ADGB: variants seen among roughly 807,000 people sequenced by gnomAD.
ADGB encodes the protein androglobin, also known as calpain-7-like protein.
Under a neutral mutation model 210.5 loss-of-function variants are expected in ADGB, and 172 were observed. The observed-to-expected ratio is 0.82, with a 90% CI of 0.72 to 0.93. The LOEUF (loss-of-function observed/expected upper bound fraction) is 0.93, where lower values mean the gene tolerates loss of function less well. Among genes scored for constraint, ADGB ranks in the 40% least tolerant of loss-of-function variants. The pLI, the probability that ADGB is intolerant of heterozygous loss-of-function variation, is 0.00. For missense variants in ADGB, 2,025 were observed against 1,964.8 expected, an observed-to-expected ratio of 1.03 and a Z score of -0.58; for synonymous variants, 658 against 662.7, an observed-to-expected ratio of 0.99 and a Z score of 0.11.
At chr6:146,787,835 C>T (rs1462472134) in intron 32 of ADGB, among the ~76,000 whole-genome samples, 1 of 152,138 alleles carries the variant, frequency 6.6e-6, no homozygotes, top group Admixed American at 6.6e-5. Flanking sequence ...AAAATAATGT[C>T]TCTATATAAT....
intron 3 of ADGB, among the ~76,000 whole-genome samples, chr6:146,651,131 TC>T (rs1190649743): frequency 6.6e-6 from 1 of 152,186 alleles, no homozygotes; most frequent in African/African-American, 2.4e-5. Flanking sequence ...GAAGGGAAAT[TC>T]CCTGAGACAA....
rs1263123529 is a variant in ADGB, at chr6:146,666,864, T to C, written c.801T>C (p.His267=). ...AGCTGGGGGAGTTCACGGTTATTCA[T>C]GCGCTCACAGGATGGTTACCAGAAG... ...RRELGEFTVI[H]ALTGWLPEVI... The change falls in exon 7 of 36, where the codon CAT becomes CAC. Residue 267 remains histidine (H), a synonymous_variant. Coordinates refer to ENST00000397944, the MANE Select transcript of ADGB (RefSeq NM_024694.4). 9.0e-6 allele frequency: 14 copies of C among 1,547,746 alleles called. No homozygotes were observed. The highest frequency in any genetic ancestry group is 9.6e-6 in the Non-Finnish European group (11 of 1,143,988).
chr6:146,779,091 C>G (rs1359045079), intron 29 of ADGB, among the ~76,000 whole-genome samples: 1 of 150,980 alleles, frequency 6.6e-6, no homozygotes, highest in Non-Finnish European at 1.5e-5. Context: ...GCCAATATTC[C>G]TGGCACATAC....
In ADGB at chr6:146,715,427, AT is replaced by A; in HGVS notation, c.1741+16del. The A allele has an allele frequency of 1.3e-6, 2 of 1,490,874 alleles. No individual in the cohort carries two copies. The highest frequency in any genetic ancestry group is 5.4e-5 in the Admixed American group (2 of 37,126). The allele number at this position is 1,490,874 out of a possible 1,614,324, so 92.4% of individuals were successfully genotyped here. ...TATACTTGGAAAAGGTAAATTAATA[AT>A]TTTCCTGTGACTTTTTTCAATGTAC... On this transcript the variant is annotated intron_variant, in intron 14 of 35. Coordinates refer to ENST00000397944, the MANE Select transcript of ADGB (RefSeq NM_024694.4).
chr6:146,666,807 C>A lies in ADGB; in HGVS notation c.753-9C>A. 1 of 1,538,766 alleles carries A rather than the reference C, an allele frequency of 6.5e-7. No homozygotes were observed. The highest frequency in any genetic ancestry group is 8.8e-7 in the Non-Finnish European group (1 of 1,138,370). On this transcript the variant is annotated splice_polypyrimidine_tract_variant and intron_variant, in intron 6 of 35. Coordinates refer to ENST00000397944, the MANE Select transcript of ADGB (RefSeq NM_024694.4). The stretch of plus-strand genomic sequence containing the variant: ...TGCTACCTGTAACATTATGCATGTT[C>A]TTTTTTAGCATCCATGTAGCAGACA...
At chr6:146,747,803 G>C (rs1048904198) in intron 26 of ADGB, among the ~76,000 whole-genome samples, 8 of 140,722 alleles carry the variant, frequency 5.7e-5, no homozygotes, top group African/African-American at 2.2e-4. Flanking sequence ...TTTTGAGACA[G>C]AGTCTCACTC....
chr6:146,663,652 A>G (rs1775898595), intron 5 of ADGB, among the ~76,000 whole-genome samples: 1 of 152,070 alleles, frequency 6.6e-6, no homozygotes, highest in African/African-American at 2.4e-5. Flanking sequence ...ATATAGATAT[A>G]CATGTTCAGT....
Position 146,788,611 on chromosome 6 carries a change from G to T in ADGB, c.4537+1G>T. 6.5e-7 allele frequency: 1 copy of T among 1,550,218 alleles called. No homozygotes were observed. On this transcript the variant is annotated splice_donor_variant, in intron 33 of 35. Transcript: ENST00000397944. LOFTEE classifies it high-confidence loss of function. ...CAGAGCACACGGAAGGAAAACATTC[G>T]TAAGTATTGCTGTCATTGGTAACAT...
At chr6:146,691,447 T>TATAA (rs1388374335) in intron 11 of ADGB, among the ~76,000 whole-genome samples, 157 bp downstream of exon 11, 1 of 21,100 alleles carries the variant, frequency 4.7e-5, no homozygotes, top group African/African-American at 3.0e-4. Flanking sequence ...TATATAAAAA[T>TATAA]ATATATATAT....
chr6:146,752,255 G>T (rs1777334361), intron 26 of ADGB, among the ~76,000 whole-genome samples: 1 of 152,010 alleles, frequency 6.6e-6, no homozygotes, highest in Non-Finnish European at 1.5e-5. Context: ...GAGTAAGAGA[G>T]AGAGAAAGGG....
At chr6:146,814,983 A>G (rs1778361823) in intron 35 of ADGB, 49 bp from the exon 36 acceptor site, 1 of 1,485,404 alleles carries the variant, frequency 6.7e-7, no homozygotes, top group East Asian at 2.5e-5. Context: ...CTGGGAACAT[A>G]AGCCTTTACC....
intron 23 of ADGB, among the ~76,000 whole-genome samples, chr6:146,737,080 C>T (rs963960751): frequency 1.3e-5 from 2 of 151,574 alleles, no homozygotes; most frequent in African/African-American, 4.9e-5. Flanking sequence ...AATATATATA[C>T]ACACCATACA....
At chr6:146,601,970 T>C (rs1455185073) in intron 1 of ADGB, among the ~76,000 whole-genome samples, 1 of 152,216 alleles carries the variant, frequency 6.6e-6, no homozygotes, top group Non-Finnish European at 1.5e-5. Flanking sequence ...ATTGGCAAAG[T>C]TCAAAAACTG....
Position 146,733,128 on chromosome 6 carries a change from T to C in ADGB, c.2529T>C (p.His843=). Residue 843 remains histidine, a synonymous_variant, in exon 21 of 36, where the codon CAT becomes CAC. Transcript: ENST00000397944. ...ELTAQHFRVF[H]LSLWRLMKKV... ...AAATTTATGTGTTTCAGGTTTTTCATCTTTCCTTATGGCGTTTAATGAAAA... is the reference window on the plus strand; with the variant it reads ...AAATTTATGTGTTTCAGGTTTTTCACCTTTCCTTATGGCGTTTAATGAAAA... 6.6e-7 allele frequency: 1 copy of C among 1,517,428 alleles called. No homozygotes were observed. Among genetic ancestry groups the C allele is most frequent in the African/African-American group, 1.4e-5 (1 of 71,454 alleles). 94.0% of individuals were successfully genotyped at this position (1,517,428 alleles called of 1,614,324 possible).
intron 22 of ADGB, among the ~76,000 whole-genome samples, chr6:146,735,219 G>A (rs966226694): frequency 7.9e-5 from 12 of 152,168 alleles, no homozygotes; most frequent in African/African-American, 2.9e-4. Flanking sequence ...AATATAGGAT[G>A]TCTTGCTTCA....
At chr6:146,648,821 T>C (rs1252131428) in intron 3 of ADGB, among the ~76,000 whole-genome samples, 6 of 151,694 alleles carry the variant, frequency 4.0e-5, no homozygotes, top group South Asian at 2.1e-4. Flanking sequence ...TATAGAATTA[T>C]ATATTAACTA....
chr6:146,664,786 G>A (rs563990974), intron 6 of ADGB, among the ~76,000 whole-genome samples: 5 of 152,024 alleles, frequency 3.3e-5, no homozygotes, highest in South Asian at 4.1e-4. Context: ...GTCAATGTAC[G>A]CTTCATGATT....
chr6:146,762,852 C>T (rs1777514879), intron 27 of ADGB, among the ~76,000 whole-genome samples: 1 of 152,164 alleles, frequency 6.6e-6, no homozygotes, highest in Non-Finnish European at 1.5e-5. Context: ...TCTCTCAACA[C>T]TGTGGAACTA....
intron 5 of ADGB, among the ~76,000 whole-genome samples, chr6:146,658,891 C>T (rs1309853496): frequency 1.3e-5 from 2 of 152,182 alleles, no homozygotes; most frequent in Non-Finnish European, 2.9e-5. Flanking sequence ...GGAATGCCTA[C>T]AGAGGATGCT....
Sources: allele counts gnomAD v4.1 joint callset (sites outside exome capture counted in the v4.1 genomes callset), GRCh38; gene constraint gnomAD v4.1.1; transcripts MANE v1.5; gene names NCBI Gene and HGNC (gene_info 2026-07-23, HGNC 2026-07-21).